Variants in KCNN1 observed in about 807,000 individuals in gnomAD.
KCNN1 encodes small conductance calcium-activated potassium channel protein 1.
Under a neutral mutation model 44.7 loss-of-function variants are expected in KCNN1, and 20 were observed. That is an observed-to-expected ratio of 0.45 (90% confidence interval 0.32 to 0.65). The LOEUF is 0.65. Ranked by LOEUF, KCNN1 falls within the 30% of genes least tolerant of loss-of-function variation. KCNN1 has a pLI of 0.05. For synonymous variants in KCNN1, 324 were observed against 341.7 expected, an observed-to-expected ratio of 0.95 and a Z score of 0.57; for missense variants, 632 against 785.3, an observed-to-expected ratio of 0.80 and a Z score of 2.33.
chr19:17,974,781 G>A lies in KCNN1; in HGVS notation c.403-311G>A, dbSNP rs2032151749. Among the ~76,000 whole-genome samples the A allele has an allele frequency of 6.6e-6, 1 of 152,236 alleles. No homozygotes were observed. The highest frequency in any genetic ancestry group is 1.5e-5 in the Non-Finnish European group (1 of 68,034). On this transcript the variant is annotated intron_variant, in intron 2 of 9. Transcript: ENST00000684775. The surrounding 1 kb of genome is among the most constrained non-coding windows in gnomAD (Gnocchi z 7.3). Reference sequence around the variant, plus strand: ...GTGAACTGTGAAGTGCTGTGCCCAAGTGAGGCCAGGCCTCATAAACTGTGA... The same window carrying A: ...GTGAACTGTGAAGTGCTGTGCCCAAATGAGGCCAGGCCTCATAAACTGTGA...
In KCNN1 at chr19:17,998,256, C is replaced by T. The variant is rs2033067746; in HGVS notation, c.1482C>T (p.Ala494=). The T allele has an allele frequency of 6.4e-7, 1 of 1,565,534 alleles. No individual in the cohort carries two copies. The highest frequency in any genetic ancestry group is 1.9e-5 in the Admixed American group (1 of 53,000). The change falls in exon 10 of 10, where the codon GCC becomes GCT. Residue 494 remains alanine, a synonymous_variant. Transcript: ENST00000684775. This position sits in a 1 kb window ranked among gnomAD's most constrained non-coding sequence, Gnocchi z 5.4. ...TLESRLDALG[A]SLQALPGLIA... is the part of the protein sequence containing the mutation. Reference sequence around the variant, plus strand: ...AAAGCCGCTTGGATGCGCTGGGTGCCTCTCTACAGGCCCTGCCTGGCCTCA... The same window carrying T: ...AAAGCCGCTTGGATGCGCTGGGTGCTTCTCTACAGGCCCTGCCTGGCCTCA...
intron 6 of KCNN1, 52 bp from the exon 7 acceptor site, chr19:17,989,664 C>A (rs1397127716): frequency 5.0e-6 from 8 of 1,611,304 alleles, no homozygotes; most frequent in Middle Eastern, 1.7e-4. Flanking sequence ...ATTTCTGGAG[C>A]CTTTTGGAAT....
At chr19:17,969,305 T>C (rs751535887) in intron 1 of KCNN1, among the ~76,000 whole-genome samples, 9 of 152,198 alleles carry the variant, frequency 5.9e-5, no homozygotes, top group South Asian at 2.1e-4. Flanking sequence ...TCCCTGCCTT[T>C]CCTGGCTGGG....
At chr19:17,981,102 A>T (rs1202417875) in intron 3 of KCNN1, among the ~76,000 whole-genome samples, 2 of 151,732 alleles carry the variant, frequency 1.3e-5, no homozygotes. Flanking sequence ...CTGTAATCCC[A>T]GCTACTCGGG....
At chr19:17,988,336 T>C in intron 5 of KCNN1, 79 bp from the exon 6 acceptor site, 1 of 1,164,820 alleles carries the variant, frequency 8.6e-7, no homozygotes, top group South Asian at 1.3e-5. Flanking sequence ...ATGGGGAGGC[T>C]GCAATCTGGG....
chr19:17,984,723 C>T (rs1433333254), intron 4 of KCNN1, among the ~76,000 whole-genome samples: 2 of 152,144 alleles, frequency 1.3e-5, no homozygotes, highest in Admixed American at 6.5e-5. Context: ...GGGCCTGTCT[C>T]CCTGGGTCCC....
chr19:17,957,872 C>T (rs754907787), intron 2 of KCNN1, among the ~76,000 whole-genome samples: 14 of 151,914 alleles, frequency 9.2e-5, no homozygotes, highest in Non-Finnish European at 1.9e-4. Flanking sequence ...AGAGTGGAGG[C>T]CCAGGAGATG....
intron 1 of KCNN1, among the ~76,000 whole-genome samples, chr19:17,953,290 C>T (rs1467310695): frequency 2.0e-5 from 3 of 152,200 alleles, no homozygotes; most frequent in Non-Finnish European, 4.4e-5. Context: ...ATAATTTTTA[C>T]TCCGACGCAG....
intron 2 of KCNN1, among the ~76,000 whole-genome samples, chr19:17,960,276 A>G (rs542181610): frequency 8.5e-5 from 13 of 152,260 alleles, no homozygotes; most frequent in African/African-American, 2.4e-4. Context: ...CTTGTCCACA[A>G]TCACTGCCTT....
At chr19:17,979,795 CTTTT>C (rs1054227401) in intron 3 of KCNN1, among the ~76,000 whole-genome samples, 1 of 151,472 alleles carries the variant, frequency 6.6e-6, no homozygotes, top group Non-Finnish European at 1.5e-5. Flanking sequence ...AAGGAAGTGA[CTTTT>C]TTTTCTTTTT....
intron 3 of KCNN1, 38 bp downstream of exon 3, chr19:17,975,225 C>A: frequency 6.7e-7 from 1 of 1,487,964 alleles, no homozygotes; most frequent in Non-Finnish European, 9.4e-7. Context: ...CTCCTCTCCT[C>A]AAACCCCAGA....
rs1188883554 is a variant in KCNN1 at position 17,973,854 on chromosome 19, C to T, written c.-35C>T. On this transcript the variant is annotated 5_prime_UTR_variant, in exon 2 of 10. Transcript: ENST00000684775. ...CTGAGCCATGCCGGGCCCCGGGCGGCCTGCAGCGAGCCCAACCCCTGCACC... is the reference window on the plus strand; with the variant it reads ...CTGAGCCATGCCGGGCCCCGGGCGGTCTGCAGCGAGCCCAACCCCTGCACC... 2 of 1,542,824 alleles carry T rather than the reference C, an allele frequency of 1.3e-6. No individual in the cohort carries two copies.
chr19:17,965,229 G>A (rs566735340), upstream of KCNN1, among the ~76,000 whole-genome samples: 10 of 151,280 alleles, frequency 6.6e-5, no homozygotes, highest in African/African-American at 2.2e-4. Context: ...AGTGGAGATC[G>A]TGCTGCTGCA....
intron 7 of KCNN1, among the ~76,000 whole-genome samples, chr19:17,990,997 T>A (rs1053766334): frequency 3.3e-5 from 5 of 151,500 alleles, no homozygotes; most frequent in African/African-American, 1.2e-4. Context: ...TGGGTTGCAG[T>A]CTGGGTTTAC....
intron 3 of KCNN1, among the ~76,000 whole-genome samples, chr19:17,975,973 G>A (rs1046038643): frequency 1.3e-5 from 2 of 152,240 alleles, no homozygotes; most frequent in Middle Eastern, 3.4e-3. Flanking sequence ...CCAAAGTGTT[G>A]GGACTTTACA....
chr19:17,984,743 C>T (rs1206380689), intron 4 of KCNN1, among the ~76,000 whole-genome samples: 1 of 152,122 alleles, frequency 6.6e-6, no homozygotes, highest in African/African-American at 2.4e-5. Context: ...CAAATATAGC[C>T]CCAGGCATCT....
rs539915058 is a variant in KCNN1, at chr19:17,999,938, C to T, written c.*1532C>T. 59 of 455,694 alleles carry T rather than the reference C, an allele frequency of 1.3e-4. 1 individual carries two copies. The highest frequency in any genetic ancestry group is 3.4e-4 in the Middle Eastern group (1 of 2,912). 28.2% of individuals were successfully genotyped at this position (455,694 alleles called of 1,614,324 possible). On this transcript the variant is annotated 3_prime_UTR_variant, in exon 10 of 10. Transcript: ENST00000684775. ...TCCTGACTCTGCCACTGCTGGGTGA[C>T]TCTGAGCAGTGGCTGCCCCTCTGGG...
At chr19:17,990,898 C>A (rs2145968935) in intron 7 of KCNN1, among the ~76,000 whole-genome samples, 1 of 152,186 alleles carries the variant, frequency 6.6e-6, no homozygotes, top group African/African-American at 2.4e-5. Flanking sequence ...AATAAAGTAG[C>A]TCTAAATCCT....
intron 9 of KCNN1, among the ~76,000 whole-genome samples, chr19:17,997,420 C>A (rs912735500): frequency 2.0e-5 from 3 of 152,170 alleles, no homozygotes; most frequent in South Asian, 4.1e-4. Flanking sequence ...GGCCACTAGA[C>A]CCCCAGGGCA....
Sources: allele counts gnomAD v4.1 joint callset (sites outside exome capture counted in the v4.1 genomes callset), GRCh38; gene constraint gnomAD v4.1.1; non-coding constraint Gnocchi (gnomAD v3.1); transcripts MANE v1.5; gene names NCBI Gene and HGNC (gene_info 2026-07-23, HGNC 2026-07-21).